Variants in NFYC observed in about 807,000 individuals in gnomAD.
The protein encoded by NFYC is CAAT box DNA-binding protein subunit C.
A neutral mutation model predicts 53.1 loss-of-function variants in NFYC; 25 were observed. That is an observed-to-expected ratio of 0.47 (90% CI 0.34 to 0.66). The LOEUF is 0.66. Among genes scored for constraint, NFYC ranks in the 30% least tolerant of loss-of-function variants. The pLI, the probability that NFYC is intolerant of heterozygous loss-of-function variation, is 0.01. For missense variants in NFYC, 260 were observed against 422.7 expected (o/e 0.62, Z 3.38); for synonymous variants, 145 against 152.6 (o/e 0.95, Z 0.37).
chr1:40,714,777 C>T (rs1205976997), intron 1 of NFYC, among the ~76,000 whole-genome samples: 2 of 151,906 alleles, frequency 1.3e-5, no homozygotes, highest in East Asian at 1.9e-4. Flanking sequence ...CTAGGCCTGG[C>T]TAATTAAAAA....
Position 40,770,341 on chromosome 1 carries a change from A to G in NFYC, c.889-368A>G. Reference sequence around the variant, plus strand: ...AGTGTAGATTACCAAGAGTTGGGGAAATGCTGACTTCCAAGCTGCTGGTAC... The same window carrying G: ...AGTGTAGATTACCAAGAGTTGGGGAGATGCTGACTTCCAAGCTGCTGGTAC... On this transcript the variant is annotated intron_variant, in intron 9 of 9. Coordinates refer to ENST00000447388, the MANE Select transcript of NFYC (RefSeq NM_014223.5). The surrounding 1 kb of genome is among the most constrained non-coding windows in gnomAD (Gnocchi z 5.3). The G allele has an allele frequency of 6.7e-7, 1 of 1,482,018 alleles. No homozygotes were observed. Among genetic ancestry groups the G allele is most frequent in the Non-Finnish European group, 9.1e-7 (1 of 1,100,976 alleles). The allele number at this position is 1,482,018 out of a possible 1,614,324, so 91.8% of individuals were successfully genotyped here. A position where few individuals can be genotyped will look rare whatever the true frequency, so the allele number is the denominator to read the frequency against.
At chr1:40,751,470 A>G (rs916383624) in intron 4 of NFYC, among the ~76,000 whole-genome samples, 2 of 152,132 alleles carry the variant, frequency 1.3e-5, no homozygotes, top group Admixed American at 6.6e-5. Context: ...CAGTGGCGCA[A>G]TCACAGCTCA....
At chr1:40,724,751 G>A (rs1644449603) in intron 1 of NFYC, among the ~76,000 whole-genome samples, 1 of 152,112 alleles carries the variant, frequency 6.6e-6, no homozygotes, top group South Asian at 2.1e-4. Flanking sequence ...ACTATATTAT[G>A]ATCTGGCCCC....
chr1:40,741,035 C>A (rs1645313756), intron 2 of NFYC, among the ~76,000 whole-genome samples: 2 of 151,752 alleles, frequency 1.3e-5, no homozygotes, highest in South Asian at 2.1e-4. Flanking sequence ...ATGGAACTTA[C>A]CTTGAGAATT....
rs115281537 is a variant in NFYC at position 40,747,820 on chromosome 1, T to G, written c.177+215T>G. Among the ~76,000 whole-genome samples the G allele has an allele frequency of 8.0e-3, 1,218 of 151,344 alleles. 15 individuals are homozygous for G. The highest frequency in any genetic ancestry group is 0.028 in the African/African-American group (1,172 of 41,286). On this transcript the variant is annotated intron_variant, in intron 3 of 9. Transcript: ENST00000447388. Reference sequence around the variant, plus strand: ...ATCATCCTGAAAATTTTTTAGATGTTGAAAAAATAGTTGATGTTGGGTTTT... The same window carrying G: ...ATCATCCTGAAAATTTTTTAGATGTGGAAAAAATAGTTGATGTTGGGTTTT...
At chr1:40,696,440 G>A (rs1175055628) in intron 1 of NFYC, among the ~76,000 whole-genome samples, 2 of 152,186 alleles carry the variant, frequency 1.3e-5, no homozygotes, top group African/African-American at 2.4e-5. Context: ...CTCAGGAAGC[G>A]AACTTCAGTT....
At chr1:40,740,288 A>G (rs2148619401) in intron 2 of NFYC, among the ~76,000 whole-genome samples, 1 of 152,178 alleles carries the variant, frequency 6.6e-6, no homozygotes, top group East Asian at 1.9e-4. Context: ...CTCAACAAAT[A>G]CTTATTATGT....
intron 1 of NFYC, among the ~76,000 whole-genome samples, chr1:40,705,266 A>G (rs1643640276): frequency 6.6e-6 from 1 of 152,154 alleles, no homozygotes; most frequent in African/African-American, 2.4e-5. Flanking sequence ...GAGGTTGTGA[A>G]CATGTTCTCC....
At chr1:40,762,770 A>G in intron 6 of NFYC, 118 bp from the exon 7 acceptor site, 1 of 906,382 alleles carries the variant, frequency 1.1e-6, no homozygotes, top group Non-Finnish European at 1.6e-6. Context: ...TACTGAGATG[A>G]CCTTAGGCAT....
At chr1:40,728,521 A>G (rs992932928) in intron 1 of NFYC, among the ~76,000 whole-genome samples, 7 of 151,858 alleles carry the variant, frequency 4.6e-5, no homozygotes, top group African/African-American at 9.7e-5. Flanking sequence ...GCTTGAACCC[A>G]GAAGGCGGAG....
At chr1:40,734,848 C>T (rs1322794281) in intron 1 of NFYC, 1 of 152,106 alleles carries the variant, frequency 6.6e-6, no homozygotes, top group Non-Finnish European at 1.5e-5. Flanking sequence ...TGCTTCAAAC[C>T]TTTTTCTCTT....
intron 7 of NFYC, chr1:40,763,535 T>C (rs757246158): frequency 1.4e-4 from 55 of 390,558 alleles, no homozygotes; most frequent in South Asian, 1.0e-3. Flanking sequence ...TTAGTAGAGA[T>C]GGGGTTTCAC....
At position 40,738,968 on chromosome 1, in the gene NFYC, T is replaced by A. The variant is rs200933719; in HGVS notation, c.105+20T>A. On this transcript the variant is annotated intron_variant, in intron 2 of 9. Transcript: ENST00000447388. Reference sequence around the variant, plus strand: ...ACAGTGGTGAGGAAGAATGAGAAACTTTTATTAGAAACTTTTAAAGAGTAT... The same window carrying A: ...ACAGTGGTGAGGAAGAATGAGAAACATTTATTAGAAACTTTTAAAGAGTAT... 1.7e-5 allele frequency: 26 copies of A among 1,548,694 alleles called. No individual in the cohort carries two copies. The highest frequency in any genetic ancestry group is 2.3e-5 in the Non-Finnish European group (26 of 1,120,668).
intron 1 of NFYC, among the ~76,000 whole-genome samples, chr1:40,697,440 G>T (rs1643209092): frequency 6.6e-6 from 1 of 152,226 alleles, no homozygotes; most frequent in South Asian, 2.1e-4. Flanking sequence ...TCTTACTTTT[G>T]AATGCACAAA....
At chr1:40,749,713 A>C (rs1311783293) in intron 4 of NFYC, 27 bp downstream of exon 4, 1 of 1,579,086 alleles carries the variant, frequency 6.3e-7, no homozygotes. Flanking sequence ...AGATTAGGAA[A>C]ACTGGGGTAA....
At chr1:40,705,313 G>A (rs1436698526) in intron 1 of NFYC, among the ~76,000 whole-genome samples, 8 of 129,130 alleles carry the variant, frequency 6.2e-5, no homozygotes, top group Non-Finnish European at 1.6e-5. Context: ...CTTCACATGA[G>A]CTGCTTTTCC....
intron 1 of NFYC, among the ~76,000 whole-genome samples, chr1:40,736,630 G>A (rs57770417): frequency 1.3e-5 from 2 of 151,220 alleles, no homozygotes; most frequent in Admixed American, 1.3e-4. Flanking sequence ...TAATTAAACT[G>A]TTCTTGCATT....
In NFYC at chr1:40,770,493, TC is replaced by T; in HGVS notation, c.889-213del. 1 of 1,552,208 alleles carries T rather than the reference TC, an allele frequency of 6.4e-7. No individual in the cohort carries two copies. The highest frequency in any genetic ancestry group is 8.7e-7 in the Non-Finnish European group (1 of 1,147,474). ...AGGAAATTCAACTCCCTGCACCTCT[TC>T]CCTGCCCACCACACACCCCCCCTCA... On this transcript the variant is annotated intron_variant, in intron 9 of 9. Transcript: ENST00000447388. This position sits in a 1 kb window ranked among gnomAD's most constrained non-coding sequence, Gnocchi z 5.3.
chr1:40,722,435 C>A (rs1644361594), intron 1 of NFYC, among the ~76,000 whole-genome samples: 1 of 152,106 alleles, frequency 6.6e-6, no homozygotes, highest in Non-Finnish European at 1.5e-5. Context: ...TATGTATTTC[C>A]ATGCATCTGA....
Sources: gnomAD v4.1 joint callset for allele counts (sites outside exome capture counted in the v4.1 genomes callset) on GRCh38, gnomAD v4.1.1 for gene constraint, Gnocchi (gnomAD v3.1) non-coding constraint, MANE v1.5 for transcripts, NCBI Gene and HGNC (gene_info 2026-07-23, HGNC 2026-07-21) for gene names.